The following CDIN1 variants were observed in gnomAD, a reference collection of about 807,000 sequenced individuals.
CDIN1 encodes CDAN1 interacting nuclease 1, also known as CDAN1-interacting nuclease 1.
In CDIN1, 33 loss-of-function variants were observed where a neutral mutation model predicts 45.3. That is an observed-to-expected ratio of 0.73 (90% confidence interval 0.55 to 0.97). The LOEUF (loss-of-function observed/expected upper bound fraction) is 0.97. CDIN1 is among the 50% of genes least tolerant of loss of function. The pLI is 0.00. For synonymous variants in CDIN1, 118 were observed against 124.4 expected (o/e 0.95, Z 0.34); for missense variants, 303 against 339.4 (o/e 0.89, Z 0.84).
intron 5 of CDIN1, among the ~76,000 whole-genome samples, chr15:36,663,749 C>G (rs1198597503): frequency 6.6e-6 from 1 of 152,138 alleles, no homozygotes; most frequent in Non-Finnish European, 1.5e-5. Flanking sequence ...AAGGAGAGTA[C>G]TATTACAGAA....
At chr15:36,602,069 G>A (rs2038134491) in intron 1 of CDIN1, among the ~76,000 whole-genome samples, 1 of 152,228 alleles carries the variant, frequency 6.6e-6, no homozygotes, top group Non-Finnish European at 1.5e-5. Context: ...TTATGTAACA[G>A]TAAGAGGGAA....
intron 10 of CDIN1, among the ~76,000 whole-genome samples, chr15:36,750,751 C>CAAAA (rs2053438013): frequency 6.6e-6 from 1 of 152,076 alleles, no homozygotes; most frequent in African/African-American, 2.4e-5. Context: ...ACTGAATTGC[C>CAAAA]AGTTCCGAAA....
intron 10 of CDIN1, among the ~76,000 whole-genome samples, chr15:36,798,025 C>CA (rs11307856): frequency 0.013 from 1,177 of 93,384 alleles, 21 homozygotes; most frequent in African/African-American, 0.027. Context: ...GAGTTATTAG[C>CA]AAAAAAAAAA....
chr15:36,775,436 G>C (rs1225517716), intron 10 of CDIN1, among the ~76,000 whole-genome samples: 6 of 152,188 alleles, frequency 3.9e-5, no homozygotes, highest in African/African-American at 1.4e-4. Context: ...GTCTCCAGGA[G>C]GTCAGAGGCC....
intron 5 of CDIN1, chr15:36,658,193 A>G (rs1461518398): frequency 1.3e-5 from 3 of 233,032 alleles, no homozygotes; most frequent in African/African-American, 2.2e-5. Flanking sequence ...AATAAGATAC[A>G]TCATTTGAAA....
At chr15:36,721,140 A>G (rs2140879432) in intron 10 of CDIN1, among the ~76,000 whole-genome samples, 1 of 152,074 alleles carries the variant, frequency 6.6e-6, no homozygotes. Flanking sequence ...TTTCTCGTAA[A>G]TTTGTTTGAG....
chr15:36,711,015 G>A (rs576386950), intron 10 of CDIN1, among the ~76,000 whole-genome samples: 12 of 151,958 alleles, frequency 7.9e-5, no homozygotes, highest in South Asian at 2.1e-4. Flanking sequence ...CGTGGCATCC[G>A]AGCTTTACTT....
intron 10 of CDIN1, among the ~76,000 whole-genome samples, chr15:36,770,917 A>G (rs1016341092): frequency 6.6e-6 from 1 of 152,224 alleles, no homozygotes; most frequent in Non-Finnish European, 1.5e-5. Flanking sequence ...CATTATGTGA[A>G]TGAGCATCTC....
chr15:36,776,550 G>A (rs2054222590), intron 10 of CDIN1, among the ~76,000 whole-genome samples: 1 of 152,176 alleles, frequency 6.6e-6, no homozygotes. Context: ...TCATGCACAG[G>A]CTGTAGCCTT....
chr15:36,741,269 A>G (rs1426479665), intron 10 of CDIN1, among the ~76,000 whole-genome samples: 2 of 152,178 alleles, frequency 1.3e-5, no homozygotes, highest in Non-Finnish European at 2.9e-5. Flanking sequence ...GGAGAGGCAT[A>G]TGGGGTAACC....
At chr15:36,644,113 C>A (rs2040216768) in intron 1 of CDIN1, among the ~76,000 whole-genome samples, 165 bp from the exon 2 acceptor site, 1 of 152,212 alleles carries the variant, frequency 6.6e-6, no homozygotes, top group African/African-American at 2.4e-5. Context: ...GACCCAGCGG[C>A]AGGAAGCCTT....
chr15:36,607,756 A>G (rs1008970181), intron 1 of CDIN1, among the ~76,000 whole-genome samples: 1 of 152,192 alleles, frequency 6.6e-6, no homozygotes, highest in Non-Finnish European at 1.5e-5. Context: ...TGTACAATTC[A>G]GTGACTTTTA....
intron 10 of CDIN1, among the ~76,000 whole-genome samples, chr15:36,791,673 A>C (rs1483620501): frequency 6.6e-6 from 1 of 152,104 alleles, no homozygotes; most frequent in East Asian, 1.9e-4. Flanking sequence ...GAGTATTTGG[A>C]CTCAACCAGT....
intron 1 of CDIN1, among the ~76,000 whole-genome samples, chr15:36,638,403 C>T (rs566149918): frequency 3.5e-4 from 53 of 152,250 alleles, no homozygotes; most frequent in African/African-American, 1.1e-3. Flanking sequence ...CAGAGGGCCC[C>T]GGCATCCTCT....
intron 10 of CDIN1, among the ~76,000 whole-genome samples, chr15:36,724,657 A>G (rs553639572): frequency 2.0e-5 from 3 of 152,278 alleles, no homozygotes; most frequent in African/African-American, 7.2e-5. Flanking sequence ...GAGAATAGAA[A>G]AATGCCTCTT....
At chr15:36,807,366 T>C (rs1358295636) in intron 10 of CDIN1, among the ~76,000 whole-genome samples, 1 of 152,214 alleles carries the variant, frequency 6.6e-6, no homozygotes, top group Non-Finnish European at 1.5e-5. Flanking sequence ...ATTTATTATT[T>C]CACTGTAAAA....
intron 10 of CDIN1, among the ~76,000 whole-genome samples, chr15:36,728,016 G>A (rs2043702321): frequency 6.6e-6 from 1 of 152,142 alleles, no homozygotes; most frequent in South Asian, 2.1e-4. Flanking sequence ...AAGAATTACT[G>A]TATGGCTTTG....
At chr15:36,700,187 A>G (rs1224861023) in intron 8 of CDIN1, among the ~76,000 whole-genome samples, 2 of 152,114 alleles carry the variant, frequency 1.3e-5, no homozygotes, top group Admixed American at 6.5e-5. Context: ...ATTCTTTTCA[A>G]TTAACTTTTG....
At chr15:36,590,124 G>C (rs1282903163) in intron 1 of CDIN1, among the ~76,000 whole-genome samples, 1 of 152,136 alleles carries the variant, frequency 6.6e-6, no homozygotes, top group Non-Finnish European at 1.5e-5. Flanking sequence ...TTGGCTGAAG[G>C]GTGATCTTTT....
Sources: allele counts gnomAD v4.1 joint callset (sites outside exome capture counted in the v4.1 genomes callset), GRCh38; gene constraint gnomAD v4.1.1; transcripts MANE v1.5; gene names NCBI Gene and HGNC (gene_info 2026-07-23, HGNC 2026-07-21).